The following FAM178B variants were observed in gnomAD, a reference collection of about 807,000 sequenced individuals.
The protein encoded by FAM178B is protein FAM178B.
Under a neutral mutation model 91.7 loss-of-function variants are expected in FAM178B, and 82 were observed. The observed-to-expected ratio is 0.89, with a 90% CI of 0.75 to 1.07. FAM178B has a LOEUF of 1.07. Ranked by LOEUF, FAM178B falls within the 50% of genes least tolerant of loss-of-function variation. The pLI, the probability that FAM178B is intolerant of heterozygous loss-of-function variation, is 0.00. For synonymous variants in FAM178B, 368 were observed against 359.4 expected (o/e 1.02, Z -0.27); for missense variants, 769 against 846.7 (o/e 0.91, Z 1.14).
intron 7 of FAM178B, among the ~76,000 whole-genome samples, chr2:96,949,679 C>T (rs1317922181): frequency 1.1e-4 from 17 of 152,228 alleles, no homozygotes; most frequent in Non-Finnish European, 1.2e-4. Flanking sequence ...CAGAAGGCCC[C>T]CCAAAGCCAG....
intron 10 of FAM178B, among the ~76,000 whole-genome samples, chr2:96,922,509 C>T (rs2081359297): frequency 6.6e-6 from 1 of 152,062 alleles, no homozygotes; most frequent in African/African-American, 2.4e-5. Context: ...GCCACCGCGC[C>T]CGACTAATTA....
At chr2:96,932,660 G>A (rs1401649146) in intron 8 of FAM178B, among the ~76,000 whole-genome samples, 12 of 152,290 alleles carry the variant, frequency 7.9e-5, no homozygotes, top group African/African-American at 2.6e-4. Context: ...AGCATGGGCC[G>A]GGCATGGTGG....
intron 1 of FAM178B, among the ~76,000 whole-genome samples, chr2:96,981,747 A>AG (rs1553511886): frequency 1.6e-5 from 2 of 123,376 alleles, no homozygotes; most frequent in Non-Finnish European, 3.5e-5. Context: ...TCTCAAAAAA[A>AG]AAAAAAAAAA....
chr2:96,921,195 T>C lies in FAM178B; in HGVS notation c.1532A>G (p.Gln511Arg). ...CCGGGAGGTCATGTCTGGGAAGAAC[T>C]GCACGAGGGCCAGCAGGTTGTGGTG... ...DHHHNLLALV[Q>R]FFPDMTSRSR... is the part of the protein sequence containing the mutation. The change falls in exon 12 of 17, where the codon CAG (glutamine) becomes CGG (arginine). Residue 511 changes from glutamine to arginine, a missense_variant. By Grantham distance (43) the Gln-to-Arg change is conservative. Transcript: ENST00000490605. 3 of 1,551,534 alleles carry C rather than the reference T, an allele frequency of 1.9e-6. No homozygotes were observed. The highest frequency in any genetic ancestry group is 2.6e-6 in the Non-Finnish European group (3 of 1,146,938).
intron 1 of FAM178B, among the ~76,000 whole-genome samples, chr2:96,975,672 C>G (rs2082279455): frequency 1.3e-5 from 2 of 152,202 alleles, no homozygotes; most frequent in African/African-American, 4.8e-5. Flanking sequence ...TTCTATCAAG[C>G]TGTATATTTG....
chr2:96,972,873 A>G (rs2082241703), intron 1 of FAM178B, among the ~76,000 whole-genome samples: 2 of 151,892 alleles, frequency 1.3e-5, no homozygotes, highest in African/African-American at 4.8e-5. Context: ...GCTGGAGTGC[A>G]GCGGCGTGAT....
intron 14 of FAM178B, among the ~76,000 whole-genome samples, chr2:96,886,394 A>G (rs1434140398): frequency 1.3e-5 from 2 of 152,214 alleles, no homozygotes; most frequent in East Asian, 3.8e-4. Context: ...TTTCTTGTCC[A>G]GGAAGAGTTA....
chr2:96,950,068 G>A (rs978692256), intron 7 of FAM178B: 6 of 985,574 alleles, frequency 6.1e-6, no homozygotes, highest in Non-Finnish European at 7.2e-6. Flanking sequence ...GGGAAGGCTC[G>A]TCTGTGCCTC....
chr2:96,907,279 T>A (rs971015470), intron 12 of FAM178B, among the ~76,000 whole-genome samples: 1 of 152,142 alleles, frequency 6.6e-6, no homozygotes, highest in African/African-American at 2.4e-5. Context: ...ACCATTTTTT[T>A]ATTTTACAGA....
chr2:96,947,929 A>C, intron 7 of FAM178B, 27 bp from the exon 8 acceptor site: 1 of 1,296,376 alleles, frequency 7.7e-7, no homozygotes. Context: ...AACAAAAACA[A>C]AAACCTGGTG....
intron 14 of FAM178B, among the ~76,000 whole-genome samples, chr2:96,879,064 ACAAT>A (rs1190172576): frequency 6.6e-6 from 1 of 152,212 alleles, no homozygotes; most frequent in Non-Finnish European, 1.5e-5. Flanking sequence ...TGGCCCGAGA[ACAAT>A]TTGATCTTGA....
chr2:96,975,094 C>CAAAAAAAAAAAAAAAA (rs34807786), intron 1 of FAM178B, among the ~76,000 whole-genome samples: 1 of 56,272 alleles, frequency 1.8e-5, no homozygotes, highest in African/African-American at 9.2e-5. Context: ...GACTCTGTCT[C>CAAAAAAAAAAAAAAAA]AAAAAAAAAA....
chr2:96,947,112 C>T (rs962527788), intron 8 of FAM178B, among the ~76,000 whole-genome samples: 5 of 152,206 alleles, frequency 3.3e-5, no homozygotes, highest in African/African-American at 1.2e-4. Flanking sequence ...GCTTAAGCAA[C>T]TTTCAACTGG....
chr2:96,895,888 G>C (rs2080813233), intron 13 of FAM178B, among the ~76,000 whole-genome samples: 1 of 152,364 alleles, frequency 6.6e-6, no homozygotes, highest in South Asian at 2.1e-4. Context: ...GAGCAGCTGG[G>C]CTGGGGGCTA....
At chr2:96,933,118 C>A (rs1194737424) in intron 8 of FAM178B, among the ~76,000 whole-genome samples, 1 of 151,902 alleles carries the variant, frequency 6.6e-6, no homozygotes, top group Non-Finnish European at 1.5e-5. Context: ...TAGTGCACGC[C>A]TGTAATCCCA....
rs141674681 is a variant in FAM178B at position 96,959,511 on chromosome 2, T to G, written c.887+777A>C. ...AGAGAGCAAGACTCTGGCATTCAAG[T>G]CCTAAGGTGGCCGAAGAGACCACAG... is the stretch of plus-strand genomic sequence containing the variant. On this transcript the variant is annotated intron_variant, in intron 6 of 16. Coordinates refer to ENST00000490605, the MANE Select transcript of FAM178B (RefSeq NM_001122646.3). Among the ~76,000 whole-genome samples, 220 of 152,222 alleles carry G rather than the reference T, an allele frequency of 1.4e-3. 8 individuals are homozygous for G. The East Asian group carries it at 0.039, about 27-fold the overall frequency.
intron 12 of FAM178B, among the ~76,000 whole-genome samples, chr2:96,906,302 A>G (rs1289573779): frequency 1.3e-5 from 2 of 150,838 alleles, no homozygotes; most frequent in African/African-American, 4.9e-5. Flanking sequence ...CCTGGGTTCA[A>G]GCGATTCTCC....
In FAM178B at chr2:96,894,067, G is replaced by A. The variant is rs1159872517; in HGVS notation, c.1651-16C>T. The A allele has an allele frequency of 6.3e-7, 1 of 1,596,018 alleles. No individual in the cohort carries two copies. Among genetic ancestry groups the A allele is most frequent in the Admixed American group, 1.7e-5 (1 of 57,572 alleles). On this transcript the variant is annotated splice_polypyrimidine_tract_variant and intron_variant, in intron 13 of 16. Transcript: ENST00000490605. ...GCGAGGACAGCTGGGGAGGAGAAGGGAGGCTGTCACTCACAGAGGGTGGTG... is the reference window on the plus strand; with the variant it reads ...GCGAGGACAGCTGGGGAGGAGAAGGAAGGCTGTCACTCACAGAGGGTGGTG...
At chr2:96,889,730 AAAT>A (rs2080623717) in intron 14 of FAM178B, among the ~76,000 whole-genome samples, 1 of 151,320 alleles carries the variant, frequency 6.6e-6, no homozygotes, top group Non-Finnish European at 1.5e-5. Context: ...ATACAAAAAA[AAAT>A]AGAGCATCAG....
Sources: allele counts gnomAD v4.1 joint callset (sites outside exome capture counted in the v4.1 genomes callset), GRCh38; gene constraint gnomAD v4.1.1; transcripts MANE v1.5; gene names NCBI Gene and HGNC (gene_info 2026-07-23, HGNC 2026-07-21).